The following CFAP77 variants were observed in gnomAD, a reference collection of about 807,000 sequenced individuals.
CFAP77 encodes cilia and flagella associated protein 77, also known as cilia- and flagella-associated protein 77.
A neutral mutation model predicts 31.1 loss-of-function variants in CFAP77; 25 were observed. The observed-to-expected ratio is 0.80, with a 90% confidence interval of 0.59 to 1.12. CFAP77 has a LOEUF of 1.12. Ranked by LOEUF, CFAP77 falls within the 50% of genes most tolerant of loss-of-function variation. CFAP77 has a pLI of 0.00. For missense variants in CFAP77, 377 were observed against 397.3 expected (o/e 0.95, Z 0.44); for synonymous variants, 151 against 159.9 (o/e 0.94, Z 0.42).
intron 1 of CFAP77, among the ~76,000 whole-genome samples, chr9:132,477,346 A>G (rs772313665): frequency 7.9e-5 from 12 of 151,834 alleles, no homozygotes; most frequent in Non-Finnish European, 1.5e-4. Context: ...GCCAAGAACT[A>G]CAGGCCCTGG....
Position 132,486,018 on chromosome 9 carries a change from A to ATATATATATGTATG in CFAP77, c.196-12668_196-12667insGTATGTATATATAT, listed in dbSNP as rs1554742550. ...TATATATATATATATATATATATAT[A>ATATATATATGTATG]TATATATATATATATATATATATGT... is the stretch of plus-strand genomic sequence containing the variant. On this transcript the variant is annotated intron_variant, in intron 1 of 5. Coordinates refer to ENST00000393216, the MANE Select transcript of CFAP77 (RefSeq NM_001282957.2). Among the ~76,000 whole-genome samples, 62 of 37,528 alleles carry ATATATATATGTATG rather than the reference A, an allele frequency of 1.7e-3. 2 individuals are homozygous for ATATATATATGTATG. Among genetic ancestry groups the ATATATATATGTATG allele is most frequent in the South Asian group, 1.4e-3 (2 of 1,424 alleles). 24.6% of individuals were successfully genotyped at this position (37,528 alleles called of 152,430 possible).
At chr9:132,569,677 C>T (rs950767311) in intron 5 of CFAP77, among the ~76,000 whole-genome samples, 4 of 151,768 alleles carry the variant, frequency 2.6e-5, no homozygotes, top group African/African-American at 2.4e-5. Context: ...CTGCATGCCC[C>T]CGAGACCCCA....
chr9:132,537,066 G>A (rs1852555714), intron 3 of CFAP77, among the ~76,000 whole-genome samples: 1 of 152,132 alleles, frequency 6.6e-6, no homozygotes, highest in African/African-American at 2.4e-5. Flanking sequence ...ATAGAACTGA[G>A]TTCAGTTCCA....
chr9:132,456,251 A>G (rs1850910133), intron 1 of CFAP77, among the ~76,000 whole-genome samples: 1 of 152,176 alleles, frequency 6.6e-6, no homozygotes, highest in Non-Finnish European at 1.5e-5. Context: ...AGAATGGGTG[A>G]CTGAGGAGGG....
chr9:132,418,770 A>C (rs894956219), intron 1 of CFAP77, among the ~76,000 whole-genome samples: 1 of 152,250 alleles, frequency 6.6e-6, no homozygotes, highest in Non-Finnish European at 1.5e-5. Flanking sequence ...TTGAGTAATC[A>C]CTGACCGGTA....
chr9:132,410,405 T>A lies in CFAP77; in HGVS notation c.134T>A (p.Met45Lys), dbSNP rs749232832. ...ACCGTGGCGGACATCCGTTCCGGCA[T>A]GGAGAACGAGCGGCTGGGGGTCGTG... The part of the protein sequence containing the change: ...PLTVADIRSG[M>K]ENERLGVVRD... The change falls in exon 1 of 6, where the codon ATG becomes AAG. Residue 45 changes from methionine to lysine, a missense_variant. Transcript: ENST00000393216. 2 of 1,602,378 alleles carry A rather than the reference T, an allele frequency of 1.2e-6. No homozygotes were observed. The highest frequency in any genetic ancestry group is 1.7e-6 in the Non-Finnish European group (2 of 1,175,692).
Position 132,539,689 on chromosome 9 carries a change from G to A in CFAP77, c.630+1983G>A, listed in dbSNP as rs1356957309. On this transcript the variant is annotated intron_variant, in intron 4 of 5. Coordinates refer to ENST00000393216, the MANE Select transcript of CFAP77 (RefSeq NM_001282957.2). The surrounding 1 kb of genome is among the most constrained non-coding windows in gnomAD (Gnocchi z 4.3). ...GAGGCTGAGGATTTCCAGGCGTGGC[G>A]GGTGCCAGGGCCTCTCCTGGCTCTT... Among the ~76,000 whole-genome samples the A allele has an allele frequency of 6.6e-6, 1 of 152,152 alleles. No homozygotes were observed. The highest frequency in any genetic ancestry group is 1.5e-5 in the Non-Finnish European group (1 of 68,030).
At chr9:132,482,498 A>G in intron 1 of CFAP77, 2 of 1,057,022 alleles carry the variant, frequency 1.9e-6, no homozygotes, top group South Asian at 2.6e-5. Flanking sequence ...CCGCACACCT[A>G]CTGCGTGCTG....
At chr9:132,547,874 G>A (rs369541831) in intron 5 of CFAP77, among the ~76,000 whole-genome samples, 136 of 152,264 alleles carry the variant, frequency 8.9e-4, no homozygotes, top group African/African-American at 2.6e-3. Flanking sequence ...GCAGGGTCCA[G>A]ACACCCCCAC....
chr9:132,513,154 A>G (rs2118998587), intron 3 of CFAP77: 1 of 1,245,546 alleles, frequency 8.0e-7, no homozygotes, highest in South Asian at 1.6e-5. Context: ...CAAGCACACA[A>G]TCCAATTCTA....
At chr9:132,468,040 T>A (rs1851184955) in intron 1 of CFAP77, among the ~76,000 whole-genome samples, 1 of 152,042 alleles carries the variant, frequency 6.6e-6, no homozygotes, top group Non-Finnish European at 1.5e-5. Context: ...AAAGGCCCCT[T>A]GCCTTAGAAC....
intron 3 of CFAP77, among the ~76,000 whole-genome samples, chr9:132,507,033 G>C (rs987347762): frequency 3.3e-5 from 5 of 152,310 alleles, no homozygotes; most frequent in African/African-American, 9.6e-5. Context: ...ATCCTGTCTG[G>C]ATTTTTCTTA....
At position 132,497,427 on chromosome 9, in the gene CFAP77, C is replaced by G. The variant is rs1589887134; in HGVS notation, c.196-1268C>G. ...GAGAGATCCCGGGAAATGTAACACC[C>G]TGTGACTTCGAAACCACCGCCTGTG... is the stretch of plus-strand genomic sequence containing the variant. On this transcript the variant is annotated intron_variant, in intron 1 of 5. Transcript: ENST00000393216. This position sits in a 1 kb window ranked among gnomAD's most constrained non-coding sequence, Gnocchi z 4.9. Among the ~76,000 whole-genome samples the G allele has an allele frequency of 6.6e-6, 1 of 152,218 alleles. No homozygotes were observed. Among genetic ancestry groups the G allele is most frequent in the East Asian group, 1.9e-4 (1 of 5,186 alleles).
At chr9:132,439,480 C>A (rs1850576745) in intron 1 of CFAP77, among the ~76,000 whole-genome samples, 1 of 152,168 alleles carries the variant, frequency 6.6e-6, no homozygotes, top group Non-Finnish European at 1.5e-5. Context: ...TCTCTGTGGT[C>A]TGATTTAGTC....
intron 1 of CFAP77, among the ~76,000 whole-genome samples, chr9:132,472,935 C>T (rs976533834): frequency 1.3e-5 from 2 of 152,198 alleles, no homozygotes; most frequent in African/African-American, 4.8e-5. Context: ...ACCTGAGGCA[C>T]AGAGTGACTG....
chr9:132,557,300 C>T (rs1852920636), intron 5 of CFAP77, among the ~76,000 whole-genome samples: 1 of 152,186 alleles, frequency 6.6e-6, no homozygotes, highest in Non-Finnish European at 1.5e-5. Flanking sequence ...AGGCAAGATG[C>T]AAGTCCAAGG....
In CFAP77 at chr9:132,499,456, C is replaced by T. The variant is rs756349248; in HGVS notation, c.380C>T (p.Ala127Val). 19 of 1,614,208 alleles carry T rather than the reference C, an allele frequency of 1.2e-5. No homozygotes were observed. Among genetic ancestry groups the T allele is most frequent in the South Asian group, 3.3e-5 (3 of 91,082 alleles). The change falls in exon 3 of 6, where the codon GCG (alanine) becomes GTG (valine). Residue 127 changes from alanine to valine, a missense_variant. By Grantham distance (64) the Ala-to-Val change is moderately conservative. Coordinates refer to ENST00000393216, the MANE Select transcript of CFAP77 (RefSeq NM_001282957.2). The surrounding 1 kb of genome is among the most constrained non-coding windows in gnomAD (Gnocchi z 5.4). ...TRNYIAMNRG[A>V]VKAGLVTARE... ...AATTATATCGCAATGAACCGCGGGG[C>T]GGTGAAAGCCGGCCTGGTGACTGCC...
chr9:132,478,420 T>G (rs1295804824), intron 1 of CFAP77, among the ~76,000 whole-genome samples: 1 of 152,036 alleles, frequency 6.6e-6, no homozygotes, highest in East Asian at 1.9e-4. Context: ...GCTCCGGGTG[T>G]GCATTCAACC....
At chr9:132,452,296 C>T (rs1850841627) in intron 1 of CFAP77, among the ~76,000 whole-genome samples, 1 of 152,206 alleles carries the variant, frequency 6.6e-6, no homozygotes, top group Admixed American at 6.5e-5. Flanking sequence ...CTGCCTTCTC[C>T]TAAGCGGAAA....
Sources: allele counts gnomAD v4.1 joint callset (sites outside exome capture counted in the v4.1 genomes callset), GRCh38; gene constraint gnomAD v4.1.1; non-coding constraint Gnocchi (gnomAD v3.1); transcripts MANE v1.5; gene names NCBI Gene and HGNC (gene_info 2026-07-23, HGNC 2026-07-21).